SYNE1: variants seen among roughly 807,000 people sequenced by gnomAD.
SYNE1 encodes nesprin-1.
SYNE1 carries 616 observed loss-of-function variants against 1,111.0 expected under a neutral mutation model. That is an observed-to-expected ratio of 0.55 (90% CI 0.52 to 0.59). The LOEUF (loss-of-function observed/expected upper bound fraction) is 0.59, where lower values mean the gene tolerates loss of function less well. Ranked by LOEUF, SYNE1 falls within the 20% of genes least tolerant of loss-of-function variation. The pLI, the probability that SYNE1 is intolerant of heterozygous loss-of-function variation, is 0.00. For synonymous variants in SYNE1, 3,855 were observed against 3,825.8 expected (o/e 1.01, Z -0.28); for missense variants, 10,006 against 10,417.0 (o/e 0.96, Z 1.72).
At chr6:152,412,628 G>C (rs1039214498) in intron 42 of SYNE1, among the ~76,000 whole-genome samples, 3 of 152,108 alleles carry the variant, frequency 2.0e-5, no homozygotes, top group Non-Finnish European at 2.9e-5. Context: ...TTAGGTGGTA[G>C]AACTTTCACT....
At chr6:152,401,735 A>G (rs372663908) in intron 46 of SYNE1, among the ~76,000 whole-genome samples, 2 of 152,356 alleles carry the variant, frequency 1.3e-5, no homozygotes, top group East Asian at 3.9e-4. Context: ...TGGGGCAAAC[A>G]TCACTGTAGG....
intron 59 of SYNE1, 80 bp from the exon 60 acceptor site, chr6:152,369,694 C>T: frequency 6.4e-7 from 1 of 1,554,014 alleles, no homozygotes; most frequent in Non-Finnish European, 8.8e-7. Flanking sequence ...CATTCAAAGT[C>T]CACCCAGGCT....
chr6:152,637,088 C>G (rs1237479823), intron 1 of SYNE1, 101 bp downstream of exon 1: 1 of 152,506 alleles, frequency 6.6e-6, no homozygotes, highest in African/African-American at 2.4e-5. Context: ...CGCCACACCC[C>G]CTCCCCGGCT....
chr6:152,623,263 T>C (rs529249233), intron 3 of SYNE1, among the ~76,000 whole-genome samples: 1 of 152,264 alleles, frequency 6.6e-6, no homozygotes, highest in African/African-American at 2.4e-5. Flanking sequence ...GCTTTACTAT[T>C]CAATAAATGG....
intron 3 of SYNE1, among the ~76,000 whole-genome samples, chr6:152,579,662 C>A (rs2099512870): frequency 6.6e-6 from 1 of 152,170 alleles, no homozygotes; most frequent in Non-Finnish European, 1.5e-5. Flanking sequence ...TCAATCCTCA[C>A]CCTCTTCCTA....
intron 119 of SYNE1, 38 bp from the exon 120 acceptor site, chr6:152,219,223 T>A (rs2079490042): frequency 1.9e-6 from 3 of 1,592,924 alleles, no homozygotes; most frequent in Non-Finnish European, 2.6e-6. Context: ...TGAAGCATGT[T>A]GATACTCCTT....
chr6:152,206,105 T>C, intron 126 of SYNE1, 63 bp downstream of exon 126: 1 of 1,444,546 alleles, frequency 6.9e-7, no homozygotes, highest in South Asian at 1.2e-5. Context: ...AGAATAACAA[T>C]GGGAGGAAGT....
chr6:152,213,831 G>C, intron 122 of SYNE1, 72 bp from the exon 123 acceptor site: 1 of 1,588,690 alleles, frequency 6.3e-7, no homozygotes, highest in South Asian at 1.1e-5. Flanking sequence ...TATAAAACTA[G>C]ATTAAATAAT....
intron 22 of SYNE1, among the ~76,000 whole-genome samples, chr6:152,456,347 T>C (rs2098695949): frequency 6.6e-6 from 1 of 152,108 alleles, no homozygotes; most frequent in Admixed American, 6.6e-5. Context: ...TCAAAAGTTG[T>C]CTAGGTCTGC....
intron 78 of SYNE1, among the ~76,000 whole-genome samples, chr6:152,327,072 C>T (rs1160067624): frequency 1.3e-5 from 2 of 152,084 alleles, no homozygotes; most frequent in Admixed American, 1.3e-4. Context: ...GGAGGCAGAT[C>T]ACTTGAGGCC....
intron 74 of SYNE1, 101 bp downstream of exon 74, chr6:152,343,980 C>T: frequency 1.3e-6 from 2 of 1,521,592 alleles, no homozygotes; most frequent in South Asian, 2.3e-5. Flanking sequence ...TTTAGATTCC[C>T]AGGAGTCAAT....
Position 152,329,916 on chromosome 6 carries a change from T to C in SYNE1, c.14769A>G (p.Glu4923=), listed in dbSNP as rs141057568. The C allele has an allele frequency of 8.4e-4, 1,352 of 1,614,174 alleles. 9 individuals are homozygous for C. Among genetic ancestry groups the C allele is most frequent in the South Asian group, 2.7e-3 (248 of 91,082 alleles). Residue 4923 remains glutamate (E), a synonymous_variant, in exon 78 of 146, where the codon GAA becomes GAG. Coordinates refer to ENST00000367255, the MANE Select transcript of SYNE1 (RefSeq NM_182961.4). ...CCTGATGAATTTGGATTTTTCTGATTTCCTCTTGGATGTCCTGCAGGTTGA... is the reference window on the plus strand; with the variant it reads ...CCTGATGAATTTGGATTTTTCTGATCTCCTCTTGGATGTCCTGCAGGTTGA... ...LDLNLQDIQE[E]IRKIQIHQEE...
chr6:152,229,138 C>A (rs1039835301), intron 115 of SYNE1, among the ~76,000 whole-genome samples: 3 of 152,106 alleles, frequency 2.0e-5, no homozygotes, highest in Admixed American at 6.6e-5. Flanking sequence ...GAGATCATTA[C>A]CAAAGTTCTT....
chr6:152,353,604 C>T lies in SYNE1; in HGVS notation c.11067G>A (p.Leu3689=). 3 of 1,614,212 alleles carry T rather than the reference C, an allele frequency of 1.9e-6. No homozygotes were observed. The highest frequency in any genetic ancestry group is 1.1e-5 in the South Asian group (1 of 91,086). The change falls in exon 68 of 146, where the codon CTG becomes CTA. Residue 3689 remains leucine, a synonymous_variant. Coordinates refer to ENST00000367255, the MANE Select transcript of SYNE1 (RefSeq NM_182961.4). Reference sequence around the variant, plus strand: ...ACCCACTCACCAGCACTTGGAGAAGCAGGGCCTGGTATCTGGAAGTCAGCT... The same window carrying T: ...ACCCACTCACCAGCACTTGGAGAAGTAGGGCCTGGTATCTGGAAGTCAGCT... ...ATQLTSRYQA[L]LLQVLEQIKF...
chr6:152,307,937 C>T (rs1390414961), intron 91 of SYNE1, among the ~76,000 whole-genome samples: 1 of 152,092 alleles, frequency 6.6e-6, no homozygotes, highest in Admixed American at 6.6e-5. Context: ...GGTTCAAGTG[C>T]TTCTCCTGCC....
At chr6:152,481,925 T>A (rs2098904651) in intron 14 of SYNE1, among the ~76,000 whole-genome samples, 2 of 151,888 alleles carry the variant, frequency 1.3e-5, no homozygotes, top group African/African-American at 4.8e-5. Flanking sequence ...CATGCTTGCA[T>A]CTGAGAAGCC....
chr6:152,357,262 T>A (rs957284723), intron 66 of SYNE1, among the ~76,000 whole-genome samples: 1 of 152,194 alleles, frequency 6.6e-6, no homozygotes, highest in Non-Finnish European at 1.5e-5. Flanking sequence ...CATCAAGGAT[T>A]AGAGTCCCAA....
In SYNE1 at chr6:152,296,771, G is replaced by A. The variant is rs141027264; in HGVS notation, c.17683-2644C>T. 1.8e-4 allele frequency among the ~76,000 whole-genome samples: 28 copies of A among 152,196 alleles called. No homozygotes were observed. In the East Asian group the frequency reaches 4.6e-3, roughly 25 times the overall value. On this transcript the variant is annotated intron_variant, in intron 93 of 145. Transcript: ENST00000367255. ...CTTGTTTTGCAAACCACAAGGTATG[G>A]TAACACTGGGCCCTGTGTCTTTGTT...
In SYNE1 at chr6:152,249,696, C is replaced by T. The variant is rs192450815; in HGVS notation, c.19471-434G>A. ...TCCATTTTGCTCTCTCCTCTTCTTC[C>T]CTCCCTCCATCAGTTTCTTCTTCTA... On this transcript the variant is annotated intron_variant, in intron 104 of 145. Transcript: ENST00000367255. Among the ~76,000 whole-genome samples the T allele has an allele frequency of 1.8e-4, 28 of 152,124 alleles. No individual in the cohort carries two copies. In the East Asian group the frequency reaches 4.4e-3, roughly 24 times the overall value.
Sources: allele counts gnomAD v4.1 joint callset (sites outside exome capture counted in the v4.1 genomes callset), GRCh38; gene constraint gnomAD v4.1.1; transcripts MANE v1.5; gene names NCBI Gene and HGNC (gene_info 2026-07-23, HGNC 2026-07-21).